FMN2: variants seen among roughly 807,000 people sequenced by gnomAD.
FMN2 encodes formin-2.
In FMN2, 51 loss-of-function variants were observed where a neutral mutation model predicts 142.3. The observed-to-expected ratio is 0.36, with a 90% confidence interval of 0.29 to 0.45. The LOEUF (loss-of-function observed/expected upper bound fraction) is 0.45. Among genes scored for constraint, FMN2 ranks in the 20% least tolerant of loss-of-function variants. The probability of loss-of-function intolerance (pLI) is 1.00; values close to 1 mark genes in which losing one functional copy is unlikely to be tolerated. For synonymous variants in FMN2, 882 were observed against 869.8 expected, an observed-to-expected ratio of 1.01 and a Z score of -0.25; for missense variants, 1,936 against 2,122.8, an observed-to-expected ratio of 0.91 and a Z score of 1.73.
At chr1:240,116,297 C>T (rs764095912) in intron 1 of FMN2, among the ~76,000 whole-genome samples, 1 of 152,178 alleles carries the variant, frequency 6.6e-6, no homozygotes, top group Non-Finnish European at 1.5e-5. Context: ...TTCTTCCATA[C>T]TCTGTTAGTG....
At chr1:240,286,845 G>A (rs1669607574) in intron 7 of FMN2, among the ~76,000 whole-genome samples, 1 of 152,084 alleles carries the variant, frequency 6.6e-6, no homozygotes, top group African/African-American at 2.4e-5. Context: ...CTGTCACTTT[G>A]AGGATCTTTT....
chr1:240,206,981 C>G lies in FMN2; in HGVS notation c.2169C>G (p.Leu723=). The G allele has an allele frequency of 1.9e-6, 3 of 1,614,124 alleles. No individual in the cohort carries two copies. Among genetic ancestry groups the G allele is most frequent in the Non-Finnish European group, 2.5e-6 (3 of 1,180,018 alleles). ...TGACAGCCTCAGGCGATGTCTGTCT[C>G]GAAGCTCTCAGGTTAGAAGAAAAGG... The part of the protein sequence containing the change: ...NGVTASGDVC[L]EALRLEEKEV... The change falls in exon 5 of 18, where the codon CTC becomes CTG. Residue 723 remains leucine (L), a synonymous_variant. Coordinates refer to ENST00000319653, the MANE Select transcript of FMN2 (RefSeq NM_020066.5).
intron 14 of FMN2, among the ~76,000 whole-genome samples, chr1:240,375,328 G>A (rs35136065): frequency 0.025 from 3,746 of 152,130 alleles, 69 homozygotes; most frequent in Non-Finnish European, 0.035. Context: ...ATAGTCATTC[G>A]ACTACAGTTG....
chr1:240,388,876 A>AGG (rs1396854369), intron 14 of FMN2, among the ~76,000 whole-genome samples: 6 of 144,106 alleles, frequency 4.2e-5, no homozygotes, highest in African/African-American at 1.1e-4. Flanking sequence ...AAAAAAAAAA[A>AGG]AGGGGGGGGG....
chr1:240,414,049 G>T (rs957114740), intron 15 of FMN2, among the ~76,000 whole-genome samples: 2 of 152,224 alleles, frequency 1.3e-5, no homozygotes, highest in Non-Finnish European at 2.9e-5. Context: ...AGTATGTGAT[G>T]ATTATTATTT....
At chr1:240,111,830 G>A (rs1490005933) in intron 1 of FMN2, among the ~76,000 whole-genome samples, 1 of 152,098 alleles carries the variant, frequency 6.6e-6, no homozygotes, top group African/African-American at 2.4e-5. Flanking sequence ...TTGAGATCCA[G>A]GAAGTAGCTT....
intron 7 of FMN2, among the ~76,000 whole-genome samples, chr1:240,258,613 C>T (rs188074170): frequency 6.6e-6 from 1 of 152,294 alleles, no homozygotes; most frequent in African/African-American, 2.4e-5. Flanking sequence ...AACATATGAA[C>T]AGAAATATTT....
chr1:240,463,795 G>C (rs1213761849), intron 16 of FMN2, among the ~76,000 whole-genome samples: 1 of 152,082 alleles, frequency 6.6e-6, no homozygotes, highest in African/African-American at 2.4e-5. Context: ...CTGAGGCCAG[G>C]AGTTCGAGAC....
chr1:240,371,885 G>A (rs901362238), intron 14 of FMN2, among the ~76,000 whole-genome samples: 4 of 152,102 alleles, frequency 2.6e-5, no homozygotes, highest in East Asian at 1.9e-4. Context: ...TGTAATTACC[G>A]CTCTCTGTTG....
intron 8 of FMN2, among the ~76,000 whole-genome samples, chr1:240,314,771 T>C (rs1381050558): frequency 1.3e-5 from 2 of 152,168 alleles, no homozygotes; most frequent in African/African-American, 4.8e-5. Flanking sequence ...AGAACATGAA[T>C]TGCACATCCT....
At chr1:240,136,761 G>A (rs985854814) in intron 2 of FMN2, among the ~76,000 whole-genome samples, 1 of 151,984 alleles carries the variant, frequency 6.6e-6, no homozygotes, top group African/African-American at 2.4e-5. Flanking sequence ...CTTTTCTCAA[G>A]AGCCAGGAGG....
intron 15 of FMN2, among the ~76,000 whole-genome samples, chr1:240,417,616 A>T (rs1367127357): frequency 6.6e-6 from 1 of 151,518 alleles, no homozygotes; most frequent in Non-Finnish European, 1.5e-5. Flanking sequence ...TTTCTTTCTC[A>T]TTTTCTTTTA....
intron 2 of FMN2, chr1:240,144,320 A>T: frequency 6.2e-7 from 1 of 1,607,100 alleles, no homozygotes; most frequent in Non-Finnish European, 8.5e-7. Flanking sequence ...GTTGTTCTCT[A>T]GGTGGGTTTT....
At chr1:240,372,968 T>C (rs1312790584) in intron 14 of FMN2, among the ~76,000 whole-genome samples, 1 of 152,108 alleles carries the variant, frequency 6.6e-6, no homozygotes, top group Non-Finnish European at 1.5e-5. Context: ...GGACAAATCA[T>C]GAGGTCAGGT....
chr1:240,123,423 C>T, intron 2 of FMN2, 78 bp downstream of exon 2: 1 of 1,427,080 alleles, frequency 7.0e-7, no homozygotes, highest in African/African-American at 1.4e-5. Context: ...TCTGCCCAGT[C>T]ACCCTATAAT....
In FMN2 at chr1:240,329,116, G is replaced by C; in HGVS notation, c.4256G>C (p.Gly1419Ala). The change falls in exon 9 of 18, where the codon GGC becomes GCC. Residue 1419 changes from glycine to alanine, a missense_variant. Coordinates refer to ENST00000319653, the MANE Select transcript of FMN2 (RefSeq NM_020066.5). Reference protein sequence around the residue: ...SDELEKIEKHGRSSKDKENAK... With the variant: ...SDELEKIEKHARSSKDKENAK... ...GAACTCGAAAAAATAGAAAAGCATG[G>C]CCGATCTTCCAAAGACAAGGAAAAT... The C allele has an allele frequency of 6.2e-7, 1 of 1,614,066 alleles. No homozygotes were observed. The highest frequency in any genetic ancestry group is 8.5e-7 in the Non-Finnish European group (1 of 1,179,980).
At chr1:240,199,059 C>T (rs146217383) in intron 4 of FMN2, among the ~76,000 whole-genome samples, 4 of 152,186 alleles carry the variant, frequency 2.6e-5, no homozygotes, top group South Asian at 4.2e-4. Context: ...GAGCCGAGAC[C>T]GTGCCATTGG....
At chr1:240,273,218 T>C (rs1408970373) in intron 7 of FMN2, among the ~76,000 whole-genome samples, 1 of 152,216 alleles carries the variant, frequency 6.6e-6, no homozygotes, top group African/African-American at 2.4e-5. Flanking sequence ...AATGCTATTT[T>C]TATGGTTCCA....
chr1:240,095,535 T>C (rs1272583100), intron 1 of FMN2, among the ~76,000 whole-genome samples: 6 of 152,046 alleles, frequency 3.9e-5, no homozygotes, highest in Non-Finnish European at 5.9e-5. Context: ...GCTCGCTGAC[T>C]AGTGAGGAGG....
Sources: gnomAD v4.1 joint callset for allele counts (sites outside exome capture counted in the v4.1 genomes callset) on GRCh38, gnomAD v4.1.1 for gene constraint, MANE v1.5 for transcripts, NCBI Gene and HGNC (gene_info 2026-07-23, HGNC 2026-07-21) for gene names.